GNA12: variants seen among roughly 807,000 people sequenced by gnomAD.
GNA12 encodes the protein guanine nucleotide-binding protein subunit alpha-12.
GNA12 carries 9 observed loss-of-function variants against 26.0 expected under a neutral mutation model. The ratio of observed to expected loss-of-function variants is 0.35; its 90% CI spans 0.21 to 0.60. The LOEUF (loss-of-function observed/expected upper bound fraction) is 0.60. Ranked by LOEUF, GNA12 falls within the 20% of genes least tolerant of loss-of-function variation. GNA12 has a pLI of 0.78. For synonymous variants in GNA12, 264 were observed against 219.6 expected (o/e 1.20, Z -1.79); for missense variants, 405 against 525.8 (o/e 0.77, Z 2.25).
chr7:2,735,563 G>T (rs1053645607), intron 2 of GNA12, among the ~76,000 whole-genome samples: 1 of 152,166 alleles, frequency 6.6e-6, no homozygotes, highest in South Asian at 2.1e-4. Flanking sequence ...CGTTTCCCTC[G>T]GTGTGAGTCT....
At chr7:2,742,841 T>C (rs537148005) in intron 2 of GNA12, among the ~76,000 whole-genome samples, 7 of 152,350 alleles carry the variant, frequency 4.6e-5, no homozygotes, top group Admixed American at 1.3e-4. Context: ...CCTTTGTTGC[T>C]AGTGAATAGA....
rs147843264 is a variant in GNA12, at chr7:2,744,376, T to C, written c.526-10875A>G. Among the ~76,000 whole-genome samples, 189 of 152,336 alleles carry C rather than the reference T, an allele frequency of 1.2e-3. 1 individual carries two copies. Among genetic ancestry groups the C allele is most frequent in the Admixed American group, 2.3e-3 (35 of 15,306 alleles). On this transcript the variant is annotated intron_variant, in intron 2 of 3. Coordinates refer to ENST00000275364, the MANE Select transcript of GNA12 (RefSeq NM_007353.3). ...TGTGGGTCACCAATATCCGCTGTTC[T>C]GCAGCCACCGCTGCTGATACCCAAG...
chr7:2,737,639 G>T (rs181580752), intron 2 of GNA12, among the ~76,000 whole-genome samples: 53 of 152,184 alleles, frequency 3.5e-4, no homozygotes, highest in African/African-American at 1.3e-3. Context: ...ATCCTAAAGC[G>T]GGGTCATTCA....
At chr7:2,772,432 C>T (rs1791972173) in intron 2 of GNA12, among the ~76,000 whole-genome samples, 1 of 152,016 alleles carries the variant, frequency 6.6e-6, no homozygotes, top group South Asian at 2.1e-4. Flanking sequence ...TGGTGGTGGG[C>T]ACCTGTAGTC....
chr7:2,815,249 G>C (rs1027346954), intron 1 of GNA12: 10 of 288,542 alleles, frequency 3.5e-5, no homozygotes, highest in African/African-American at 1.3e-4. Context: ...AGTCAAGGAG[G>C]CTGCTTAAAT....
At chr7:2,768,056 T>C (rs1281992397) in intron 2 of GNA12, among the ~76,000 whole-genome samples, 2 of 152,148 alleles carry the variant, frequency 1.3e-5, no homozygotes, top group Non-Finnish European at 2.9e-5. Context: ...GGTTTCACCA[T>C]ATTGGTCAGG....
chr7:2,750,866 C>A (rs1025329226), intron 2 of GNA12, among the ~76,000 whole-genome samples: 1 of 152,090 alleles, frequency 6.6e-6, no homozygotes, highest in Non-Finnish European at 1.5e-5. Context: ...AGCTTGGGAA[C>A]TGAAATAACT....
chr7:2,815,826 C>T (rs776220141), intron 1 of GNA12, among the ~76,000 whole-genome samples: 2 of 152,226 alleles, frequency 1.3e-5, no homozygotes, highest in African/African-American at 2.4e-5. Flanking sequence ...GACGTCCAAT[C>T]CCAGAGACAT....
intron 2 of GNA12, among the ~76,000 whole-genome samples, chr7:2,789,129 C>T (rs924861959): frequency 2.1e-5 from 2 of 94,178 alleles, no homozygotes; most frequent in Admixed American, 2.3e-4. Flanking sequence ...CCCCTTCAGG[C>T]ATCTTTTTTT....
In GNA12 at chr7:2,728,192, A is replaced by C. The variant is rs1789706207; in HGVS notation, c.*2989T>G. On this transcript the variant is annotated 3_prime_UTR_variant, in exon 4 of 4. Coordinates refer to ENST00000275364, the MANE Select transcript of GNA12 (RefSeq NM_007353.3). ...CAAATTTTCAAGCCAGACCCTCCCAATGTTAATACACTGTGCAAAGCTTAC... is the reference window on the plus strand; with the variant it reads ...CAAATTTTCAAGCCAGACCCTCCCACTGTTAATACACTGTGCAAAGCTTAC... 1 of 152,340 alleles carries C rather than the reference A, an allele frequency of 6.6e-6. No individual in the cohort carries two copies. The highest frequency in any genetic ancestry group is 1.5e-5 in the Non-Finnish European group (1 of 68,048). The allele number at this position is 152,340 out of a possible 1,614,324, so 9.4% of individuals were successfully genotyped here. A position where few individuals can be genotyped will look rare whatever the true frequency, so the allele number is the denominator to read the frequency against.
At chr7:2,810,291 A>C (rs1793050816) in intron 1 of GNA12, among the ~76,000 whole-genome samples, 3 of 152,254 alleles carry the variant, frequency 2.0e-5, no homozygotes, top group Middle Eastern at 3.4e-3. Context: ...AGGGGTATAC[A>C]AGCTCATTAA....
At chr7:2,740,501 C>T (rs1041376406) in intron 2 of GNA12, among the ~76,000 whole-genome samples, 1 of 152,296 alleles carries the variant, frequency 6.6e-6, no homozygotes, top group Admixed American at 6.5e-5. Flanking sequence ...TCCTCAATTT[C>T]CAATCTCCAG....
chr7:2,773,220 T>G (rs1476853197), intron 2 of GNA12, among the ~76,000 whole-genome samples: 1 of 152,222 alleles, frequency 6.6e-6, no homozygotes, highest in Non-Finnish European at 1.5e-5. Context: ...TTGTGTTGTA[T>G]ACACCTAAGA....
Position 2,844,125 on chromosome 7 carries a change from G to A in GNA12, c.37C>T (p.Leu13=). The change falls in exon 1 of 4, where the codon CTG becomes TTG. Residue 13 remains leucine, a synonymous_variant. Transcript: ENST00000275364. ...GVVRTLSRCL[L]PAEAGGARER... ...CGGGCCCCGCCGGCCTCGGCCGGCA[G>A]CAGGCAGCGGCTGAGGGTCCGCACC... 2 of 988,128 alleles carry A rather than the reference G, an allele frequency of 2.0e-6. No individual in the cohort carries two copies. Among genetic ancestry groups the A allele is most frequent in the Non-Finnish European group, 2.4e-6 (2 of 833,588 alleles). The allele number at this position is 988,128 out of a possible 1,614,324, so 61.2% of individuals were successfully genotyped here.
chr7:2,779,789 G>C (rs1011156853), intron 2 of GNA12, among the ~76,000 whole-genome samples: 1 of 151,718 alleles, frequency 6.6e-6, no homozygotes, highest in East Asian at 1.9e-4. Flanking sequence ...GTAGAGATGG[G>C]GTTCTGCTGT....
At chr7:2,782,095 G>A (rs1792243706) in intron 2 of GNA12, among the ~76,000 whole-genome samples, 1 of 152,146 alleles carries the variant, frequency 6.6e-6, no homozygotes, top group Admixed American at 6.5e-5. Flanking sequence ...ACAACTGAGT[G>A]TCCACATGTA....
chr7:2,823,036 C>T (rs950692335), intron 1 of GNA12, among the ~76,000 whole-genome samples: 1 of 152,188 alleles, frequency 6.6e-6, no homozygotes, highest in African/African-American at 2.4e-5. Flanking sequence ...AGGGACATTA[C>T]AGTTACCAAC....
At chr7:2,759,246 C>A (rs1333952810) in intron 2 of GNA12, among the ~76,000 whole-genome samples, 4 of 151,896 alleles carry the variant, frequency 2.6e-5, no homozygotes, top group Non-Finnish European at 5.9e-5. Context: ...AGAAATAAGT[C>A]ATAAAATGGT....
chr7:2,832,993 T>A lies in GNA12; in HGVS notation c.309+10860A>T, dbSNP rs1778721295. Among the ~76,000 whole-genome samples, 3 of 152,226 alleles carry A rather than the reference T, an allele frequency of 2.0e-5. No individual in the cohort carries two copies. The South Asian group carries it at 6.2e-4, about 32-fold the overall frequency. ...CACAGGATACAAGTCATGTTTTCCA[T>A]TCTGCAAAACCTGGACACACCTGAG... On this transcript the variant is annotated intron_variant, in intron 1 of 3. Transcript: ENST00000275364.
Sources: allele counts gnomAD v4.1 joint callset (sites outside exome capture counted in the v4.1 genomes callset), GRCh38; gene constraint gnomAD v4.1.1; transcripts MANE v1.5; gene names NCBI Gene and HGNC (gene_info 2026-07-23, HGNC 2026-07-21).